The following IL13RA1 variants were observed in gnomAD, a reference collection of about 807,000 sequenced individuals.
IL13RA1 encodes the protein interleukin 13 receptor subunit alpha 1.
In IL13RA1, 14 loss-of-function variants were observed where a neutral mutation model predicts 33.8. The ratio of observed to expected loss-of-function variants is 0.41; its 90% confidence interval spans 0.27 to 0.65. IL13RA1 has a LOEUF of 0.65. Ranked by LOEUF, IL13RA1 falls within the 30% of genes least tolerant of loss-of-function variation. IL13RA1 has a pLI of 0.28. For missense variants in IL13RA1, 313 were observed against 327.0 expected, an observed-to-expected ratio of 0.96 and a Z score of 0.33; for synonymous variants, 116 against 115.7, an observed-to-expected ratio of 1.00 and a Z score of -0.02.
At chrX:118,729,377 T>G (rs1416381070) in intron 1 of IL13RA1, among the ~76,000 whole-genome samples, 1 of 112,325 alleles carries the variant, frequency 8.9e-6, no homozygotes, top group Non-Finnish European at 1.9e-5. Context: ...TAGAATTGCA[T>G]TGAGGTATGG....
At chrX:118,757,597 A>C (rs2017544497) in intron 4 of IL13RA1, among the ~76,000 whole-genome samples, 1 of 102,513 alleles carries the variant, frequency 9.8e-6, no homozygotes, top group Non-Finnish European at 2.0e-5. Context: ...ATTGTACAAT[A>C]GGGTTTTTTT....
At chrX:118,755,773 A>G (rs2017523473) in intron 4 of IL13RA1, among the ~76,000 whole-genome samples, 1 of 112,072 alleles carries the variant, frequency 8.9e-6, no homozygotes, top group African/African-American at 3.2e-5. Context: ...GAAAAATGTC[A>G]TTAAATTTCT....
chrX:118,767,067 T>G, intron 8 of IL13RA1, 91 bp downstream of exon 8: 1 of 475,146 alleles, frequency 2.1e-6, no homozygotes, highest in Non-Finnish European at 3.4e-6. Flanking sequence ...GGGACTGTCA[T>G]GCTCTCTTGA....
At chrX:118,761,691 G>T (rs5957055) in intron 6 of IL13RA1, among the ~76,000 whole-genome samples, 1,860 of 111,972 alleles carry the variant, frequency 0.017, 54 homozygotes, top group African/African-American at 0.057. Context: ...AATTTCAGAG[G>T]ATGAGTGCTG....
At chrX:118,788,819 A>G (rs1214129613) in intron 10 of IL13RA1, among the ~76,000 whole-genome samples, 1 of 111,875 alleles carries the variant, frequency 8.9e-6, no homozygotes, top group African/African-American at 3.2e-5. Flanking sequence ...GCCAAATTGC[A>G]TGATCAAGGG....
chrX:118,789,935 A>G (rs2017958729), intron 10 of IL13RA1, among the ~76,000 whole-genome samples: 1 of 111,765 alleles, frequency 8.9e-6, no homozygotes, highest in Non-Finnish European at 1.9e-5. Flanking sequence ...TCAAGGTTAT[A>G]TAATTTTTTC....
In IL13RA1 at chrX:118,776,443, T is replaced by C; in HGVS notation, c.1123T>C (p.Phe375Leu). The change falls in exon 10 of 11, where the codon TTC becomes CTC. Residue 375 changes from phenylalanine to leucine, a missense_variant. Transcript: ENST00000371666. ...TTCTTAAAGGCTCAAGATTATTATA[T>C]TCCCTCCAATTCCTGATCCTGGCAA... The part of the protein sequence containing the change: ...LYLKRLKIII[F>L]PPIPDPGKIF... The C allele has an allele frequency of 1.0e-6, 1 of 956,462 alleles. No individual in the cohort carries two copies. Among genetic ancestry groups the C allele is most frequent in the Non-Finnish European group, 1.5e-6 (1 of 666,577 alleles). 78.8% of individuals were successfully genotyped at this position (956,462 alleles called of 1,213,427 possible). A position where few individuals can be genotyped will look rare whatever the true frequency, so the allele number is the denominator to read the frequency against.
At chrX:118,751,557 A>G (rs1028659248) in intron 4 of IL13RA1, among the ~76,000 whole-genome samples, 7 of 110,632 alleles carry the variant, frequency 6.3e-5, no homozygotes, top group African/African-American at 2.3e-4. Context: ...GGGGACTGAG[A>G]GGCTTTGATG....
intron 3 of IL13RA1, among the ~76,000 whole-genome samples, chrX:118,747,664 A>G (rs2017421787): frequency 9.0e-6 from 1 of 111,719 alleles, no homozygotes. Flanking sequence ...TAGACAAGAT[A>G]GTACAAGACA....
At chrX:118,795,480 T>C (rs1172831642), downstream of IL13RA1, among the ~76,000 whole-genome samples, 1 of 111,415 alleles carries the variant, frequency 9.0e-6, no homozygotes, top group African/African-American at 3.3e-5. Flanking sequence ...TCTGGAATTA[T>C]CCAGGAAGAT....
At chrX:118,803,465 C>T in the IL13RA1 span, among the ~76,000 whole-genome samples, 1 of 112,356 alleles carries the variant, frequency 8.9e-6, no homozygotes, top group Non-Finnish European at 1.9e-5. Context: ...TAGTATATAT[C>T]TCTACAAACT....
intron 1 of IL13RA1, among the ~76,000 whole-genome samples, chrX:118,727,995 A>C (rs1223108872): frequency 3.6e-5 from 4 of 110,811 alleles, no homozygotes; most frequent in Non-Finnish European, 7.6e-5. Flanking sequence ...CAGCGAAGTA[A>C]GAGGGCTGCG....
At chrX:118,738,990 G>A (rs746205225) in intron 1 of IL13RA1, among the ~76,000 whole-genome samples, 4 of 110,077 alleles carry the variant, frequency 3.6e-5, no homozygotes, top group Non-Finnish European at 7.6e-5. Context: ...GTTTCGTTAT[G>A]TTGTCCAGGC....
At chrX:118,773,670 C>T (rs1377136535) in intron 8 of IL13RA1, among the ~76,000 whole-genome samples, 12 of 107,117 alleles carry the variant, frequency 1.1e-4, no homozygotes, top group African/African-American at 3.1e-4. Flanking sequence ...GGTATTTGCT[C>T]GCCTAGGGAA....
chrX:118,766,834 T>C lies in IL13RA1; in HGVS notation c.877-10T>C. On this transcript the variant is annotated splice_polypyrimidine_tract_variant and intron_variant, in intron 7 of 10. Coordinates refer to ENST00000371666, the MANE Select transcript of IL13RA1 (RefSeq NM_001560.3). ...TAATATTCCTTGTGTATTTTTATTT[T>C]ATGCCTAAGAATACATCTTGTTTCA... The C allele has an allele frequency of 2.0e-6, 2 of 983,019 alleles. No individual in the cohort carries two copies. Among genetic ancestry groups the C allele is most frequent in the Non-Finnish European group, 2.8e-6 (2 of 708,348 alleles). 81.0% of individuals were successfully genotyped at this position (983,019 alleles called of 1,213,427 possible).
downstream of IL13RA1, among the ~76,000 whole-genome samples, chrX:118,795,010 C>T (rs998347313): frequency 9.1e-6 from 1 of 110,043 alleles, no homozygotes; most frequent in African/African-American, 3.3e-5. Context: ...ATCATGAGGT[C>T]AGGAGATCCA....
At chrX:118,749,989 GA>G (rs766184391) in intron 4 of IL13RA1, among the ~76,000 whole-genome samples, 1 of 111,805 alleles carries the variant, frequency 8.9e-6, no homozygotes, top group Non-Finnish European at 1.9e-5. Flanking sequence ...TATATTACCA[GA>G]AAAAATGTAC....
At chrX:118,794,564 G>C (rs2018012688), downstream of IL13RA1, 1 of 111,746 alleles carries the variant, frequency 8.9e-6, no homozygotes, top group Admixed American at 9.5e-5. Flanking sequence ...CTTATTTTGG[G>C]GAAATGGTGG....
intron 10 of IL13RA1, among the ~76,000 whole-genome samples, chrX:118,789,005 G>A (rs1305285439): frequency 8.9e-6 from 1 of 112,199 alleles, no homozygotes; most frequent in East Asian, 2.8e-4. Context: ...CAGCTGGTAA[G>A]TATATAGTGC....
Sources: allele counts gnomAD v4.1 joint callset (sites outside exome capture counted in the v4.1 genomes callset), GRCh38; gene constraint gnomAD v4.1.1; transcripts MANE v1.5; gene names NCBI Gene and HGNC (gene_info 2026-07-23, HGNC 2026-07-21).